Variants in NAALADL2 observed in about 807,000 individuals in gnomAD.
NAALADL2 encodes the protein inactive N-acetylated-alpha-linked acidic dipeptidase-like protein 2.
Under a neutral mutation model 87.2 loss-of-function variants are expected in NAALADL2, and 76 were observed. The observed-to-expected ratio is 0.87, with a 90% CI of 0.72 to 1.05. The LOEUF is 1.05. Ranked by LOEUF, NAALADL2 falls within the 50% of genes least tolerant of loss-of-function variation. The pLI is 0.00. For missense variants in NAALADL2, 1,089 were observed against 945.8 expected (o/e 1.15, Z -1.99); for synonymous variants, 354 against 331.0 (o/e 1.07, Z -0.75).
chr3:174,835,543 C>A (rs1723231676), intron 3 of NAALADL2, among the ~76,000 whole-genome samples: 1 of 151,962 alleles, frequency 6.6e-6, no homozygotes, highest in African/African-American at 2.4e-5. Context: ...TCAAGGGATA[C>A]AATTAGCAGG....
At chr3:175,574,100 C>G (rs978851742) in intron 9 of NAALADL2, among the ~76,000 whole-genome samples, 1 of 152,154 alleles carries the variant, frequency 6.6e-6, no homozygotes, top group African/African-American at 2.4e-5. Context: ...ATGTTTATAA[C>G]ATCCAGCACT....
At chr3:175,718,318 T>C (rs1741685819) in intron 11 of NAALADL2, 1 of 1,601,584 alleles carries the variant, frequency 6.2e-7, no homozygotes, top group Non-Finnish European at 8.5e-7. Flanking sequence ...AGGACAACTT[T>C]GATGCTATAT....
intron 11 of NAALADL2, among the ~76,000 whole-genome samples, chr3:175,697,396 CACAG>C (rs1402239960): frequency 6.4e-5 from 8 of 125,724 alleles, no homozygotes; most frequent in African/African-American, 9.8e-5. Context: ...TAAAGCTGCA[CACAG>C]ACACACACAC....
intron 2 of NAALADL2, among the ~76,000 whole-genome samples, chr3:175,185,268 A>G (rs1737163287): frequency 6.6e-6 from 1 of 152,100 alleles, no homozygotes; most frequent in Non-Finnish European, 1.5e-5. Flanking sequence ...CATATATCCT[A>G]TAACCTAGCA....
intron 2 of NAALADL2, among the ~76,000 whole-genome samples, chr3:174,623,012 C>G (rs1338736856): frequency 6.6e-6 from 1 of 152,142 alleles, no homozygotes; most frequent in African/African-American, 2.4e-5. Flanking sequence ...CACTGCACAC[C>G]AGCCTGGACG....
intron 9 of NAALADL2, among the ~76,000 whole-genome samples, chr3:175,472,027 A>T (rs187751970): frequency 1.7e-3 from 239 of 143,952 alleles, no homozygotes; most frequent in Admixed American, 4.9e-3. Flanking sequence ...ATATATTTTT[A>T]AAAAATATAT....
intron 3 of NAALADL2, among the ~76,000 whole-genome samples, chr3:175,254,589 C>G (rs1749611154): frequency 6.6e-6 from 1 of 152,122 alleles, no homozygotes; most frequent in South Asian, 2.1e-4. Flanking sequence ...AAAAAGTTCA[C>G]TTACATTACC....
intron 2 of NAALADL2, among the ~76,000 whole-genome samples, chr3:174,716,694 T>C (rs1731224538): frequency 6.6e-6 from 1 of 152,034 alleles, no homozygotes; most frequent in Admixed American, 6.6e-5. Context: ...TCTCTGTGTG[T>C]ACAGGCTGGA....
intron 1 of NAALADL2, among the ~76,000 whole-genome samples, chr3:175,009,642 G>A (rs1276895902): frequency 6.6e-6 from 1 of 152,024 alleles, no homozygotes; most frequent in East Asian, 1.9e-4. Flanking sequence ...CTAGACTGTT[G>A]GTTAGTAACA....
intron 1 of NAALADL2, among the ~76,000 whole-genome samples, chr3:174,541,488 T>G (rs1471170061): frequency 1.3e-5 from 2 of 152,178 alleles, no homozygotes; most frequent in Non-Finnish European, 2.9e-5. Context: ...TTTGATAGCT[T>G]TATAAGTAAC....
intron 5 of NAALADL2, among the ~76,000 whole-genome samples, chr3:175,362,581 A>G (rs1047527823): frequency 2.0e-5 from 3 of 148,014 alleles, no homozygotes; most frequent in Non-Finnish European, 4.5e-5. Context: ...CCATTCATTG[A>G]TTTATGGGCA....
intron 9 of NAALADL2, among the ~76,000 whole-genome samples, chr3:175,531,908 C>G (rs890213084): frequency 6.6e-6 from 1 of 152,218 alleles, no homozygotes; most frequent in Non-Finnish European, 1.5e-5. Context: ...GCATCTTTCA[C>G]GTCCTTGATG....
chr3:175,423,051 A>ATATATATATAT (rs1458599872), intron 5 of NAALADL2, among the ~76,000 whole-genome samples: 10 of 91,506 alleles, frequency 1.1e-4, no homozygotes, highest in African/African-American at 3.4e-4. Flanking sequence ...ATATATATAT[A>ATATATATATAT]TTTTTTTTTT....
chr3:175,131,453 G>T (rs1727846720), intron 2 of NAALADL2, among the ~76,000 whole-genome samples: 1 of 152,120 alleles, frequency 6.6e-6, no homozygotes, highest in South Asian at 2.1e-4. Context: ...ATGTTTCAGA[G>T]AGCACGGGGT....
At chr3:174,905,795 G>A (rs1051164756) in intron 1 of NAALADL2, among the ~76,000 whole-genome samples, 4 of 151,950 alleles carry the variant, frequency 2.6e-5, no homozygotes, top group African/African-American at 2.4e-5. Context: ...TTCTGAGAGA[G>A]GCCATCTAAG....
chr3:175,009,991 C>A (rs1307541998), intron 1 of NAALADL2, among the ~76,000 whole-genome samples: 3 of 152,016 alleles, frequency 2.0e-5, no homozygotes, highest in Non-Finnish European at 2.9e-5. Context: ...TGACTATGAG[C>A]TTAATCACAC....
intron 1 of NAALADL2, among the ~76,000 whole-genome samples, chr3:174,454,855 T>G (rs764739304): frequency 6.9e-4 from 104 of 151,482 alleles, no homozygotes; most frequent in Non-Finnish European, 1.2e-3. Flanking sequence ...CCAACCCCAG[T>G]GCTAGCAGAA....
chr3:175,044,085 T>C (rs1415729370), intron 1 of NAALADL2, among the ~76,000 whole-genome samples: 1 of 152,194 alleles, frequency 6.6e-6, no homozygotes, highest in South Asian at 2.1e-4. Flanking sequence ...CATACCTGTT[T>C]GGTTAAAATT....
intron 3 of NAALADL2, among the ~76,000 whole-genome samples, chr3:175,247,038 G>T (rs2109711184): frequency 6.6e-6 from 1 of 152,218 alleles, no homozygotes. Flanking sequence ...TCTTTGCTTT[G>T]ACCATGTAAT....
Sources: allele counts gnomAD v4.1 joint callset (sites outside exome capture counted in the v4.1 genomes callset), GRCh38; gene constraint gnomAD v4.1.1; transcripts MANE v1.5; gene names NCBI Gene and HGNC (gene_info 2026-07-23, HGNC 2026-07-21).